EHBP1L1: variants seen among roughly 807,000 people sequenced by gnomAD.
The protein encoded by EHBP1L1 is EH domain binding protein 1 like 1.
EHBP1L1 carries 122 observed loss-of-function variants against 151.1 expected under a neutral mutation model. That is an observed-to-expected ratio of 0.81 (90% CI 0.70 to 0.94). The LOEUF is 0.94. Ranked by LOEUF, EHBP1L1 falls within the 40% of genes least tolerant of loss-of-function variation. EHBP1L1 has a pLI of 0.00. For missense variants in EHBP1L1, 1,941 were observed against 1,959.8 expected (o/e 0.99, Z 0.18); for synonymous variants, 878 against 810.1 (o/e 1.08, Z -1.42).
In EHBP1L1 at chr11:65,580,078, C is replaced by A; in HGVS notation, c.313-3C>A. On this transcript the variant is annotated splice_region_variant and splice_polypyrimidine_tract_variant and intron_variant, in intron 4 of 18. Coordinates refer to ENST00000309295, the MANE Select transcript of EHBP1L1 (RefSeq NM_001099409.3). ...TTCTCCTGGTCTCTCCCCTGGCCCA[C>A]AGGAGTCTAAGGGGCAGCGGAAGGT... 1 of 1,612,604 alleles carries A rather than the reference C, an allele frequency of 6.2e-7. No homozygotes were observed. The highest frequency in any genetic ancestry group is 1.1e-5 in the South Asian group (1 of 91,040).
At chr11:65,584,583 C>T (rs376925439) in intron 11 of EHBP1L1, 49 bp downstream of exon 11, 10 of 1,587,726 alleles carry the variant, frequency 6.3e-6, no homozygotes, top group Middle Eastern at 3.3e-4. Flanking sequence ...TCTGGAGAGC[C>T]AGGCTCTCAG....
Position 65,582,462 on chromosome 11 carries a change from C to G in EHBP1L1, c.1790C>G (p.Thr597Ser). 1 of 1,612,794 alleles carries G rather than the reference C, an allele frequency of 6.2e-7. No homozygotes were observed. The stretch of plus-strand genomic sequence containing the variant: ...GTTGAGGGGTCAGGGTTCCCAGAGA[C>G]TAGGACACTAGAAATTGAGATATTG... ...KEVEGSGFPE[T>S]RTLEIEILGA... The change falls in exon 9 of 19, where the codon ACT (threonine) becomes AGT (serine). Residue 597 changes from threonine (T) to serine (S), a missense_variant. Coordinates refer to ENST00000309295, the MANE Select transcript of EHBP1L1 (RefSeq NM_001099409.3).
chr11:65,582,782 A>G lies in EHBP1L1; in HGVS notation c.2110A>G (p.Thr704Ala). The G allele has an allele frequency of 6.2e-7, 1 of 1,613,640 alleles. No homozygotes were observed. Among genetic ancestry groups the G allele is most frequent in the South Asian group, 1.1e-5 (1 of 91,086 alleles). Residue 704 changes from threonine (T) to alanine (A), a missense_variant, in exon 9 of 19, where the codon ACA becomes GCA. Thr to Ala is a moderately conservative substitution (Grantham distance 58). Coordinates refer to ENST00000309295, the MANE Select transcript of EHBP1L1 (RefSeq NM_001099409.3). ...IQSEMLGTQE[T>A]EVEASRVPES... ...GTCTGAGATGCTGGGGACCCAGGAG[A>G]CAGAGGTGGAAGCTTCTAGGGTACC...
rs79261382 is a variant in EHBP1L1 at position 65,579,410 on chromosome 11, G to A, written c.232G>A (p.Val78Met). 4,779 of 1,568,472 alleles carry A rather than the reference G, an allele frequency of 3.0e-3. 165 individuals carry two copies. The African/African-American group carries it at 0.059, about 19-fold the overall frequency. ...CGTGGTGTGGATGGTACCTGAGAAT[G>A]TGGACATCTCTGTGACCCTCTACAG... The part of the protein sequence containing the change: ...GTVVWMVPEN[V>M]DISVTLYRDP... Residue 78 changes from valine (V) to methionine (M), a missense_variant, in exon 3 of 19, where the codon GTG becomes ATG. Transcript: ENST00000309295.
rs928119936 is a variant in EHBP1L1, at chr11:65,592,361, G to T, written c.*59G>T. On this transcript the variant is annotated 3_prime_UTR_variant, in exon 19 of 19. Transcript: ENST00000309295. The stretch of plus-strand genomic sequence containing the variant: ...GTCCCCGGCGTCCGCCGCCGCCCCG[G>T]GCCTGCGCTGCGGACGACCCGGCCG... The T allele has an allele frequency of 9.7e-6, 12 of 1,237,714 alleles. No homozygotes were observed. In the African/African-American group the frequency reaches 1.6e-4, roughly 17 times the overall value. The allele number at this position is 1,237,714 out of a possible 1,614,324, so 76.7% of individuals were successfully genotyped here. A position where few individuals can be genotyped will look rare whatever the true frequency, so the allele number is the denominator to read the frequency against.
chr11:65,582,162 G>T lies in EHBP1L1; in HGVS notation c.1490G>T (p.Gly497Val). Residue 497 changes from glycine (G) to valine (V), a missense_variant, in exon 9 of 19, where the codon GGG becomes GTG. Physicochemically the swap from Gly to Val is moderately radical, Grantham distance 109. Transcript: ENST00000309295. ...GHSGQLGDLEGARAAAGQERE... is the reference protein window; with the variant it reads ...GHSGQLGDLEVARAAAGQERE... ...TCTGGGCAACTTGGTGACCTCGAGG[G>T]GGCCAGGGCTGCTGCAGGCCAGGAG... The T allele has an allele frequency of 6.3e-7, 1 of 1,578,278 alleles. No homozygotes were observed. The highest frequency in any genetic ancestry group is 8.6e-7 in the Non-Finnish European group (1 of 1,163,450).
chr11:65,580,496 C>T lies in EHBP1L1; in HGVS notation c.634+17C>T. 2.5e-6 allele frequency: 4 copies of T among 1,607,466 alleles called. No homozygotes were observed. Among genetic ancestry groups the T allele is most frequent in the Non-Finnish European group, 2.5e-6 (3 of 1,178,912 alleles). ...CCCAGCCAGGTGGGCTCACAGCCTGCTGTGGATCGAGACTGCCAAGACCTG... is the reference window on the plus strand; with the variant it reads ...CCCAGCCAGGTGGGCTCACAGCCTGTTGTGGATCGAGACTGCCAAGACCTG... On this transcript the variant is annotated intron_variant, in intron 6 of 18. Coordinates refer to ENST00000309295, the MANE Select transcript of EHBP1L1 (RefSeq NM_001099409.3).
Position 65,592,568 on chromosome 11 carries a change from G to A in EHBP1L1, c.*266G>A, listed in dbSNP as rs1858397559. ...GCACGGCCGGGCCGGCGGCCTCGGG[G>A]AGAGGGATGCCTGGGCACTACCGCC... On this transcript the variant is annotated 3_prime_UTR_variant, in exon 19 of 19. Transcript: ENST00000309295. 2 of 195,920 alleles carry A rather than the reference G, an allele frequency of 1.0e-5. No homozygotes were observed. The highest frequency in any genetic ancestry group is 2.1e-5 in the Non-Finnish European group (2 of 96,932). The allele number at this position is 195,920 out of a possible 1,614,324, so 12.1% of individuals were successfully genotyped here. A position where few individuals can be genotyped will look rare whatever the true frequency, so the allele number is the denominator to read the frequency against.
chr11:65,584,647 C>G (rs989676436), intron 11 of EHBP1L1, 113 bp downstream of exon 11: 19 of 1,387,548 alleles, frequency 1.4e-5, no homozygotes, highest in Non-Finnish European at 1.7e-5. Context: ...TCTGGAAGTT[C>G]TGCCACTTTT....
In EHBP1L1 at chr11:65,584,236, C is replaced by A; in HGVS notation, c.3094-5C>A. 12 of 1,606,316 alleles carry A rather than the reference C, an allele frequency of 7.5e-6. No homozygotes were observed. Among genetic ancestry groups the A allele is most frequent in the Non-Finnish European group, 1.0e-5 (12 of 1,177,622 alleles). On this transcript the variant is annotated splice_region_variant and splice_polypyrimidine_tract_variant and intron_variant, in intron 9 of 18. Transcript: ENST00000309295. ...CATTCCCTAAGCCCACCCCTGTGTC[C>A]TCAGGCACCACCTGCCCTGGTCAGC...
rs1311816639 is a variant in EHBP1L1 at position 65,585,499 on chromosome 11, G to C, written c.3841G>C (p.Asp1281His). The C allele has an allele frequency of 6.4e-7, 1 of 1,557,818 alleles. No individual in the cohort carries two copies. Among genetic ancestry groups the C allele is most frequent in the Non-Finnish European group, 8.6e-7 (1 of 1,158,544 alleles). The change falls in exon 12 of 19, where the codon GAC becomes CAC. Residue 1281 changes from aspartate (D) to histidine (H), a missense_variant. By Grantham distance (81) the Asp-to-His change is moderately conservative. Transcript: ENST00000309295. This position sits in a 1 kb window ranked among gnomAD's most constrained non-coding sequence, Gnocchi z 4.0. ...CTCCTTCTCCCACGTGCGCGACGCG[G>C]ACCTGCTCAAGAAGAGGCGCTCGCG... ...HGSFSHVRDA[D>H]LLKKRRSRLR...
intron 11 of EHBP1L1, 38 bp from the exon 12 acceptor site, chr11:65,584,921 C>A: frequency 6.5e-7 from 1 of 1,528,334 alleles, no homozygotes; most frequent in South Asian, 1.2e-5. Context: ...TGGCGCGGGC[C>A]ACCGCCGCCG....
chr11:65,577,169 C>T (rs1001972003), intron 1 of EHBP1L1, among the ~76,000 whole-genome samples: 2 of 152,174 alleles, frequency 1.3e-5, no homozygotes, highest in African/African-American at 2.4e-5. Flanking sequence ...GCGTCACACC[C>T]TAAATATACG....
rs543185696 is a variant in EHBP1L1 at position 65,592,040 on chromosome 11, G to A, written c.4422G>A (p.Leu1474=). The A allele has an allele frequency of 3.7e-5, 59 of 1,613,442 alleles. No individual in the cohort carries two copies. In the South Asian group the frequency reaches 5.8e-4, roughly 16 times the overall value. Residue 1474 remains leucine (L), a synonymous_variant, in exon 18 of 19, where the codon CTG becomes CTA. Transcript: ENST00000309295. The part of the protein sequence containing the change: ...EQLLLEELVS[L]VNQRDELVRD... ...TCCTACTGGAGGAGCTGGTGTCGCT[G>A]GTGAACCAGCGCGATGAGCTAGTCC...
In EHBP1L1 at chr11:65,576,271, C is replaced by G; in HGVS notation, c.-32C>G. 1 of 1,548,740 alleles carries G rather than the reference C, an allele frequency of 6.5e-7. No individual in the cohort carries two copies. The highest frequency in any genetic ancestry group is 8.7e-7 in the Non-Finnish European group (1 of 1,150,092). On this transcript the variant is annotated 5_prime_UTR_variant, in exon 1 of 19. Transcript: ENST00000309295. ...GTGGCGGGCCAGCGGGAGCCCCGGGCCTGAGAAGTGGGCGGCGGGGTGGCG... is the reference window on the plus strand; with the variant it reads ...GTGGCGGGCCAGCGGGAGCCCCGGGGCTGAGAAGTGGGCGGCGGGGTGGCG...
intron 16 of EHBP1L1, chr11:65,591,378 C>G (rs1395112974): frequency 3.9e-6 from 1 of 254,782 alleles, no homozygotes; most frequent in Non-Finnish European, 7.7e-6. Flanking sequence ...GTAAGGAAAA[C>G]AGAAGCCCAG....
At position 65,591,821 on chromosome 11, in the gene EHBP1L1, G is replaced by A. The variant is rs1858323980; in HGVS notation, c.4305G>A (p.Glu1435=). 2 of 1,547,602 alleles carry A rather than the reference G, an allele frequency of 1.3e-6. No homozygotes were observed. The highest frequency in any genetic ancestry group is 1.4e-5 in the African/African-American group (1 of 72,542). ...CCAGCATGGAGGAGCAGGACTTGGA[G>A]CGAAGGTTCGAGCTGCTGAGCCGCG... The part of the protein sequence containing the change: ...LQLLMEEQDL[E]RRFELLSREL... The change falls in exon 17 of 19, where the codon GAG becomes GAA. Residue 1435 remains glutamate, a synonymous_variant. Transcript: ENST00000309295.
In EHBP1L1 at chr11:65,583,510, G is replaced by A. The variant is rs779145473; in HGVS notation, c.2838G>A (p.Glu946=). 5.6e-6 allele frequency: 9 copies of A among 1,613,412 alleles called. No homozygotes were observed. The African/African-American group carries it at 1.2e-4, about 22-fold the overall frequency. ...AGGCTGGGGTTTGGGGGATGTCAGA[G>A]GGCAAATCTGGGGCTTGGGGGGCCC... ...EAEAGVWGMS[E]GKSGAWGAQE... The change falls in exon 9 of 19, where the codon GAG becomes GAA. Residue 946 remains glutamate, a synonymous_variant. Coordinates refer to ENST00000309295, the MANE Select transcript of EHBP1L1 (RefSeq NM_001099409.3).
intron 12 of EHBP1L1, among the ~76,000 whole-genome samples, chr11:65,586,106 G>A (rs1857955859): frequency 6.6e-6 from 1 of 152,214 alleles, no homozygotes; most frequent in African/African-American, 2.4e-5. Context: ...CCAGCCCCAG[G>A]ACTCTGGCGT....
Sources: gnomAD v4.1 joint callset for allele counts (sites outside exome capture counted in the v4.1 genomes callset) on GRCh38, gnomAD v4.1.1 for gene constraint, Gnocchi (gnomAD v3.1) non-coding constraint, MANE v1.5 for transcripts, NCBI Gene and HGNC (gene_info 2026-07-23, HGNC 2026-07-21) for gene names.